Variants in ITPR3 observed in about 807,000 individuals in gnomAD.
ITPR3 encodes the protein inositol 1,4,5-trisphosphate receptor type 3.
ITPR3 carries 173 observed loss-of-function variants against 293.2 expected under a neutral mutation model. That is an observed-to-expected ratio of 0.59 (90% CI 0.52 to 0.67). ITPR3 has a LOEUF of 0.67. Among genes scored for constraint, ITPR3 ranks in the 30% least tolerant of loss-of-function variants. The probability of loss-of-function intolerance (pLI) is 0.00; values close to 1 mark genes in which losing one functional copy is unlikely to be tolerated. For synonymous variants in ITPR3, 1,295 were observed against 1,444.4 expected (o/e 0.90, Z 2.35); for missense variants, 2,796 against 3,592.1 (o/e 0.78, Z 5.66).
chr6:33,629,775 G>A (rs1053977327), intron 1 of ITPR3, among the ~76,000 whole-genome samples: 2 of 147,250 alleles, frequency 1.4e-5, no homozygotes, highest in Non-Finnish European at 3.0e-5. Context: ...CCACCACGCC[G>A]GGCCTGACCA....
At chr6:33,673,497 TCCCTGCC>T (rs1163570545) in intron 22 of ITPR3, 87 bp from the exon 23 acceptor site, 12 of 1,514,440 alleles carry the variant, frequency 7.9e-6, no homozygotes, top group Non-Finnish European at 9.9e-6. Context: ...ATTTGGGGGC[TCCCTGCC>T]CCCTGCCCCC....
chr6:33,633,724 G>C lies in ITPR3; in HGVS notation c.90-6760G>C, dbSNP rs1216425104. Among the ~76,000 whole-genome samples the C allele has an allele frequency of 1.4e-5, 2 of 147,574 alleles. No individual in the cohort carries two copies. The highest frequency in any genetic ancestry group is 1.5e-5 in the Non-Finnish European group (1 of 66,322). Reference sequence around the variant, plus strand: ...GCGTCGTGGGAGACGGCTGCACGTGGGACGGCGAGTTTCGCTTCGCCGCGG... The same window carrying C: ...GCGTCGTGGGAGACGGCTGCACGTGCGACGGCGAGTTTCGCTTCGCCGCGG... On this transcript the variant is annotated intron_variant, in intron 1 of 57. Transcript: ENST00000605930. This position sits in a 1 kb window ranked among gnomAD's most constrained non-coding sequence, Gnocchi z 5.2.
rs1433307299 is a variant in ITPR3 at position 33,658,496 on chromosome 6, G to A, written c.370-174G>A. On this transcript the variant is annotated intron_variant, in intron 4 of 57. Transcript: ENST00000605930. The surrounding 1 kb of genome is among the most constrained non-coding windows in gnomAD (Gnocchi z 6.1). ...GGGTGTGCCTGTTGTGTGCACGTTT[G>A]TGTGTGATTGTGGTTGTGAATGTGG... Among the ~76,000 whole-genome samples the A allele has an allele frequency of 6.6e-6, 1 of 152,176 alleles. No individual in the cohort carries two copies. Among genetic ancestry groups the A allele is most frequent in the Non-Finnish European group, 1.5e-5 (1 of 68,026 alleles).
rs754557210 is a variant in ITPR3 at position 33,684,814 on chromosome 6, C to A, written c.5178C>A (p.Cys1726Ter). 1 of 1,613,472 alleles carries A rather than the reference C, an allele frequency of 6.2e-7. No individual in the cohort carries two copies. The highest frequency in any genetic ancestry group is 1.3e-5 in the African/African-American group (1 of 74,948). ...GGTCGGCAATCGCAGCCACCCAGTG[C>A]CGGCTGGACAAGGAGGGGGCCACCA... is the stretch of plus-strand genomic sequence containing the variant. The part of the protein sequence containing the change: ...PDWSAIAATQ[C>*]RLDKEGATKL... The change falls in exon 39 of 58, where the codon TGC becomes TGA. Residue 1726 changes from cysteine (C) to a stop codon, truncating the protein, a stop_gained. Transcript: ENST00000605930. LOFTEE classifies it high-confidence loss of function. The surrounding 1 kb of genome is among the most constrained non-coding windows in gnomAD (Gnocchi z 4.2).
chr6:33,662,838 C>A, intron 8 of ITPR3, 73 bp from the exon 9 acceptor site: 1 of 1,512,162 alleles, frequency 6.6e-7, no homozygotes, highest in South Asian at 1.2e-5. Context: ...CAGAGATCTC[C>A]AGGCCTCCCT....
chr6:33,642,322 G>A (rs1377527273), intron 2 of ITPR3, among the ~76,000 whole-genome samples: 1 of 152,162 alleles, frequency 6.6e-6, no homozygotes, highest in Non-Finnish European at 1.5e-5. Flanking sequence ...AGTCAGAAAT[G>A]GGAGGGCGTT....
chr6:33,670,808 C>T lies in ITPR3; in HGVS notation c.2579C>T (p.Thr860Ile). 2 of 1,613,708 alleles carry T rather than the reference C, an allele frequency of 1.2e-6. No individual in the cohort carries two copies. Among genetic ancestry groups the T allele is most frequent in the South Asian group, 1.1e-5 (1 of 91,084 alleles). The change falls in exon 20 of 58, where the codon ACT (threonine) becomes ATT (isoleucine). Residue 860 changes from threonine (T) to isoleucine (I), a missense_variant. Thr to Ile is a moderately conservative substitution (Grantham distance 89). Around this residue, in one of 8 missense-constraint regions of ITPR3, gnomAD observed 955 missense variants for 1,180.8 expected, o/e 0.81. Transcript: ENST00000605930. The surrounding 1 kb of genome is among the most constrained non-coding windows in gnomAD (Gnocchi z 6.7). ...PFANEEKNKLTFEVVSLAHNL... is the reference protein window; with the variant it reads ...PFANEEKNKLIFEVVSLAHNL... ...GCCAACGAGGAGAAGAACAAGCTCACTTTTGAGGTGGCTGGGGGAGTGCCC... is the reference window on the plus strand; with the variant it reads ...GCCAACGAGGAGAAGAACAAGCTCATTTTTGAGGTGGCTGGGGGAGTGCCC...
At chr6:33,693,285 G>A (rs988530158) in intron 55 of ITPR3, among the ~76,000 whole-genome samples, 2 of 136,428 alleles carry the variant, frequency 1.5e-5, no homozygotes, top group Admixed American at 7.0e-5. Flanking sequence ...GGCTTCCCCT[G>A]AGTTCGAGAA....
At position 33,664,836 on chromosome 6, in the gene ITPR3, C is replaced by G. The variant is rs760354005; in HGVS notation, c.1149-34C>G. The G allele has an allele frequency of 1.3e-6, 2 of 1,595,578 alleles. No homozygotes were observed. Among genetic ancestry groups the G allele is most frequent in the Non-Finnish European group, 1.7e-6 (2 of 1,165,774 alleles). ...GCAGCATGACGTGCTCTGTGGTGCA[C>G]TCCCCGAGTCCTTTCCCTCCCACCC... On this transcript the variant is annotated intron_variant, in intron 11 of 57. Transcript: ENST00000605930. This position sits in a 1 kb window ranked among gnomAD's most constrained non-coding sequence, Gnocchi z 4.4.
chr6:33,641,938 T>A (rs947216785), intron 2 of ITPR3, among the ~76,000 whole-genome samples: 3 of 152,212 alleles, frequency 2.0e-5, no homozygotes, highest in Non-Finnish European at 2.9e-5. Context: ...TCTGCTGTGC[T>A]CAGTGTATTT....
intron 2 of ITPR3, among the ~76,000 whole-genome samples, chr6:33,646,374 C>A (rs1443602158): frequency 9.1e-6 from 1 of 109,612 alleles, no homozygotes; most frequent in East Asian, 3.4e-4. Context: ...CCACCCCCCA[C>A]CCCCTCCACC....
rs1455328832 is a variant in ITPR3, at chr6:33,684,285, G to A, written c.4938-72G>A. Reference sequence around the variant, plus strand: ...AGAGGGCCTGGGGGTGTTCCTGCCTGGGATGGGGTGGGGAAGTAGCTGGAG... The same window carrying A: ...AGAGGGCCTGGGGGTGTTCCTGCCTAGGATGGGGTGGGGAAGTAGCTGGAG... On this transcript the variant is annotated intron_variant, in intron 36 of 57. Transcript: ENST00000605930. This position sits in a 1 kb window ranked among gnomAD's most constrained non-coding sequence, Gnocchi z 4.2. 1 of 1,592,258 alleles carries A rather than the reference G, an allele frequency of 6.3e-7. No individual in the cohort carries two copies. Among genetic ancestry groups the A allele is most frequent in the Non-Finnish European group, 8.6e-7 (1 of 1,162,168 alleles).
In ITPR3 at chr6:33,664,856, C is replaced by A; in HGVS notation, c.1149-14C>A. 1 of 1,612,244 alleles carries A rather than the reference C, an allele frequency of 6.2e-7. No homozygotes were observed. The highest frequency in any genetic ancestry group is 8.5e-7 in the Non-Finnish European group (1 of 1,179,204). Reference sequence around the variant, plus strand: ...GTGCACTCCCCGAGTCCTTTCCCTCCCACCCACCTGCAGGAACTCGTACGT... The same window carrying A: ...GTGCACTCCCCGAGTCCTTTCCCTCACACCCACCTGCAGGAACTCGTACGT... On this transcript the variant is annotated splice_polypyrimidine_tract_variant and intron_variant, in intron 11 of 57. Transcript: ENST00000605930. This position sits in a 1 kb window ranked among gnomAD's most constrained non-coding sequence, Gnocchi z 4.4.
Position 33,675,040 on chromosome 6 carries a change from A to C in ITPR3, c.3117-651A>C, listed in dbSNP as rs970319590. ...TTTTGGTTAGAGGTTGGGAAAAATA[A>C]AGATGTAACATTTTCTCCATCTCTG... On this transcript the variant is annotated intron_variant, in intron 24 of 57. Transcript: ENST00000605930. This position sits in a 1 kb window ranked among gnomAD's most constrained non-coding sequence, Gnocchi z 5.0. Among the ~76,000 whole-genome samples, 1 of 152,202 alleles carries C rather than the reference A, an allele frequency of 6.6e-6. No individual in the cohort carries two copies. Among genetic ancestry groups the C allele is most frequent in the Non-Finnish European group, 1.5e-5 (1 of 68,042 alleles).
At chr6:33,657,382 G>A (rs1764333227) in intron 3 of ITPR3, among the ~76,000 whole-genome samples, 1 of 152,220 alleles carries the variant, frequency 6.6e-6, no homozygotes, top group Non-Finnish European at 1.5e-5. Context: ...GGATCCATCA[G>A]ACTGGGATGT....
rs185621030 is a variant in ITPR3, at chr6:33,674,696, T to G, written c.3116+431T>G. Among the ~76,000 whole-genome samples, 15 of 152,378 alleles carry G rather than the reference T, an allele frequency of 9.8e-5. No homozygotes were observed. In the East Asian group the frequency reaches 2.9e-3, roughly 29 times the overall value. On this transcript the variant is annotated intron_variant, in intron 24 of 57. Transcript: ENST00000605930. The stretch of plus-strand genomic sequence containing the variant: ...CCTGGGTCTAGCAGGGCTTATGGAC[T>G]GCTTTTCAGAATGGTGATTGTAAAC...
rs200712617 is a variant in ITPR3 at position 33,667,988 on chromosome 6, C to T, written c.1886+24C>T. On this transcript the variant is annotated intron_variant, in intron 16 of 57. Coordinates refer to ENST00000605930, the MANE Select transcript of ITPR3 (RefSeq NM_002224.4). The surrounding 1 kb of genome is among the most constrained non-coding windows in gnomAD (Gnocchi z 4.4). ...AGGTGGGCCCGAACCCCCTCCCCGG[C>T]CGGCGCCTGCTCCTCCCTCCTCCCT... The T allele has an allele frequency of 1.9e-5, 31 of 1,612,142 alleles. No individual in the cohort carries two copies. Among genetic ancestry groups the T allele is most frequent in the Non-Finnish European group, 2.6e-5 (31 of 1,179,142 alleles).
In ITPR3 at chr6:33,693,000, G is replaced by A. The variant is rs566372264; in HGVS notation, c.7624+107G>A. ...TTCCTGCCCTGGGGAACCCTGGCCC[G>A]GAGCTGATGACTTGATGCATTTGCT... On this transcript the variant is annotated intron_variant, in intron 55 of 57. Transcript: ENST00000605930. This position sits in a 1 kb window ranked among gnomAD's most constrained non-coding sequence, Gnocchi z 4.2. The A allele has an allele frequency of 1.9e-4, 213 of 1,137,646 alleles. No individual in the cohort carries two copies. Among genetic ancestry groups the A allele is most frequent in the Middle Eastern group, 7.9e-4 (3 of 3,794 alleles). The allele number at this position is 1,137,646 out of a possible 1,614,324, so 70.5% of individuals were successfully genotyped here. A position where few individuals can be genotyped will look rare whatever the true frequency, so the allele number is the denominator to read the frequency against.
intron 2 of ITPR3, among the ~76,000 whole-genome samples, chr6:33,646,356 C>T (rs1764066390): frequency 7.8e-6 from 1 of 127,922 alleles, no homozygotes; most frequent in East Asian, 2.8e-4. Context: ...TCTGCTCCCA[C>T]CCTCTTCCCA....
Sources: gnomAD v4.1 joint callset for allele counts (sites outside exome capture counted in the v4.1 genomes callset) on GRCh38, gnomAD v4.1.1 for gene constraint, gnomAD v4.1.1 regional missense constraint, Gnocchi (gnomAD v3.1) non-coding constraint, MANE v1.5 for transcripts, NCBI Gene and HGNC (gene_info 2026-07-23, HGNC 2026-07-21) for gene names.